TNPO1: variants seen among roughly 807,000 people sequenced by gnomAD.
The protein encoded by TNPO1 is transportin-1.
Under a neutral mutation model 119.5 loss-of-function variants are expected in TNPO1, and 8 were observed. The observed-to-expected ratio is 0.07, with a 90% CI of 0.04 to 0.12. The LOEUF is 0.12. Among genes scored for constraint, TNPO1 ranks in the 10% least tolerant of loss-of-function variants. TNPO1 has a pLI of 1.00. For missense variants in TNPO1, 576 were observed against 1,089.8 expected (o/e 0.53, Z 6.64); for synonymous variants, 362 against 363.0 (o/e 1.00, Z 0.03).
At chr5:72,892,941 C>T (rs976128474) in intron 15 of TNPO1, among the ~76,000 whole-genome samples, 198 bp from the exon 16 acceptor site, 3 of 136,506 alleles carry the variant, frequency 2.2e-5, no homozygotes, top group Admixed American at 8.9e-5. Flanking sequence ...GTAAACCTGA[C>T]CTGATTGGCT....
At chr5:72,844,094 G>C (rs1745028111) in intron 1 of TNPO1, among the ~76,000 whole-genome samples, 1 of 152,154 alleles carries the variant, frequency 6.6e-6, no homozygotes, top group African/African-American at 2.4e-5. Flanking sequence ...ACTCTGCCAG[G>C]CAAAGAGAGT....
intron 9 of TNPO1, among the ~76,000 whole-genome samples, chr5:72,880,643 C>T (rs1163553224): frequency 6.6e-6 from 1 of 151,922 alleles, no homozygotes; most frequent in African/African-American, 2.4e-5. Context: ...GGTGAAACCC[C>T]ATCTCTACTA....
chr5:72,864,149 C>A (rs1401783673), intron 5 of TNPO1, among the ~76,000 whole-genome samples: 2 of 151,316 alleles, frequency 1.3e-5, no homozygotes, highest in African/African-American at 4.9e-5. Flanking sequence ...AAAAAAAAAA[C>A]CTTAACAATT....
intron 9 of TNPO1, among the ~76,000 whole-genome samples, chr5:72,879,693 T>C (rs1748083826): frequency 6.6e-6 from 1 of 152,194 alleles, no homozygotes; most frequent in Admixed American, 6.5e-5. Context: ...GCAGCTGTTT[T>C]TATTGTTTTA....
intron 1 of TNPO1, among the ~76,000 whole-genome samples, chr5:72,819,681 G>A (rs1743861449): frequency 6.6e-6 from 1 of 152,188 alleles, no homozygotes; most frequent in Non-Finnish European, 1.5e-5. Flanking sequence ...ATTGATATAT[G>A]CCTTTTTAAT....
At chr5:72,873,780 TA>T (rs1222719914) in intron 7 of TNPO1, among the ~76,000 whole-genome samples, 1 of 152,132 alleles carries the variant, frequency 6.6e-6, no homozygotes, top group East Asian at 1.9e-4. Flanking sequence ...GTTTTCTTTA[TA>T]TCATCTGTAA....
intron 22 of TNPO1, 39 bp from the exon 23 acceptor site, chr5:72,903,670 T>A (rs764338397): frequency 7.1e-7 from 1 of 1,405,254 alleles, no homozygotes; most frequent in Non-Finnish European, 9.9e-7. Flanking sequence ...GTTTGACAAA[T>A]ACAATATCAA....
intron 3 of TNPO1, among the ~76,000 whole-genome samples, chr5:72,851,945 A>G (rs1329862397): frequency 6.6e-6 from 1 of 152,232 alleles, no homozygotes; most frequent in Non-Finnish European, 1.5e-5. Context: ...GTAGGTTTTA[A>G]TAACTGAATA....
At chr5:72,874,730 C>T (rs577463964) in intron 7 of TNPO1, among the ~76,000 whole-genome samples, 3 of 152,240 alleles carry the variant, frequency 2.0e-5, no homozygotes, top group African/African-American at 4.8e-5. Context: ...ATTTTAGGTT[C>T]ATTTTGTAGA....
intron 1 of TNPO1, among the ~76,000 whole-genome samples, chr5:72,837,203 A>G (rs765641906): frequency 2.6e-5 from 4 of 152,214 alleles, no homozygotes; most frequent in Non-Finnish European, 4.4e-5. Context: ...TAGATTGGGT[A>G]ATTTGTAAGT....
chr5:72,875,401 CTCTA>C (rs1254982608), intron 7 of TNPO1, among the ~76,000 whole-genome samples: 1 of 152,158 alleles, frequency 6.6e-6, no homozygotes, highest in Admixed American at 6.5e-5. Context: ...GCTGATTGTA[CTCTA>C]TCAGAAAAGA....
chr5:72,905,973 G>A (rs1209380430), intron 24 of TNPO1, among the ~76,000 whole-genome samples: 5 of 152,134 alleles, frequency 3.3e-5, no homozygotes, highest in East Asian at 1.9e-4. Flanking sequence ...CCAGAAAAAC[G>A]ATTAGCTCCA....
intron 2 of TNPO1, among the ~76,000 whole-genome samples, chr5:72,849,882 T>C (rs1745416729): frequency 6.6e-6 from 1 of 152,194 alleles, no homozygotes; most frequent in African/African-American, 2.4e-5. Context: ...TTTCTTAAAT[T>C]AGCTAAGCCC....
At chr5:72,887,840 A>C (rs1748768973) in intron 12 of TNPO1, among the ~76,000 whole-genome samples, 1 of 152,232 alleles carries the variant, frequency 6.6e-6, no homozygotes, top group Non-Finnish European at 1.5e-5. Flanking sequence ...AAGGGTTATT[A>C]TTGATTTTGT....
rs752364500 is a variant in TNPO1, at chr5:72,896,497, A to T, written c.2183A>T (p.Glu728Val). 3 of 1,612,112 alleles carry T rather than the reference A, an allele frequency of 1.9e-6. No individual in the cohort carries two copies. ...ATATTGGGAACCAACCTAAATCCAG[A>T]ATTCATTTCAGTCTGCAACAATGCC... ...MPILGTNLNPEFISVCNNATW... is the reference protein window; with the variant it reads ...MPILGTNLNPVFISVCNNATW... The change falls in exon 19 of 25, where the codon GAA (glutamate) becomes GTA (valine). Residue 728 changes from glutamate (E) to valine (V), a missense_variant. Coordinates refer to ENST00000337273, the MANE Select transcript of TNPO1 (RefSeq NM_002270.4).
chr5:72,855,529 A>C (rs1386056536), intron 3 of TNPO1, among the ~76,000 whole-genome samples: 1 of 152,190 alleles, frequency 6.6e-6, no homozygotes, highest in African/African-American at 2.4e-5. Context: ...TGATGATGCT[A>C]CTTAACATCT....
At chr5:72,886,909 AAAC>A (rs1452337804) in intron 11 of TNPO1, among the ~76,000 whole-genome samples, 158 bp from the exon 12 acceptor site, 3 of 151,326 alleles carry the variant, frequency 2.0e-5, no homozygotes, top group Non-Finnish European at 4.4e-5. Flanking sequence ...AAAAAAAAAA[AAAC>A]CACAAAATGT....
At chr5:72,875,521 G>GT (rs1200651548) in intron 7 of TNPO1, 94 bp from the exon 8 acceptor site, 2 of 1,400,416 alleles carry the variant, frequency 1.4e-6, no homozygotes, top group African/African-American at 2.9e-5. Flanking sequence ...TGGTACCTTT[G>GT]TAGGGTTTCT....
chr5:72,856,950 A>G (rs544072837), intron 4 of TNPO1, among the ~76,000 whole-genome samples: 37 of 152,324 alleles, frequency 2.4e-4, no homozygotes, highest in African/African-American at 8.7e-4. Context: ...GCTAACTTCT[A>G]CAAGGACCTG....
Sources: gnomAD v4.1 joint callset for allele counts (sites outside exome capture counted in the v4.1 genomes callset) on GRCh38, gnomAD v4.1.1 for gene constraint, MANE v1.5 for transcripts, NCBI Gene and HGNC (gene_info 2026-07-23, HGNC 2026-07-21) for gene names.